The following ABI3BP variants were observed in gnomAD, a reference collection of about 807,000 sequenced individuals.
The protein encoded by ABI3BP is target of Nesh-SH3.
Under a neutral mutation model 268.6 loss-of-function variants are expected in ABI3BP, and 216 were observed. The observed-to-expected ratio is 0.80, with a 90% CI of 0.72 to 0.90. ABI3BP has a LOEUF of 0.90. ABI3BP is among the 40% of genes least tolerant of loss of function. The pLI is 0.00. For synonymous variants in ABI3BP, 730 were observed against 730.0 expected (o/e 1.00, Z 0.00); for missense variants, 2,090 against 2,182.4 (o/e 0.96, Z 0.84).
chr3:100,846,933 A>AC (rs1383842718), intron 19 of ABI3BP, among the ~76,000 whole-genome samples: 2 of 152,174 alleles, frequency 1.3e-5, no homozygotes, highest in Admixed American at 1.3e-4. Context: ...TCAACCCCTC[A>AC]CCTAGGTATT....
intron 48 of ABI3BP, among the ~76,000 whole-genome samples, chr3:100,810,705 C>T (rs2097843311): frequency 2.0e-5 from 3 of 152,092 alleles, no homozygotes; most frequent in Admixed American, 1.3e-4. Context: ...TAGAACTCTA[C>T]CTCCTCAACA....
intron 1 of ABI3BP, among the ~76,000 whole-genome samples, chr3:100,940,829 T>TATATATATATAGATAG (rs1244113888): frequency 9.7e-5 from 4 of 41,230 alleles, no homozygotes; most frequent in Non-Finnish European, 1.3e-4. Flanking sequence ...TATATATATA[T>TATATATATATAGATAG]ATGATATGAT....
At chr3:100,821,203 A>G (rs892018587) in intron 38 of ABI3BP, 90 bp from the exon 39 acceptor site, 2 of 1,073,922 alleles carry the variant, frequency 1.9e-6, no homozygotes, top group African/African-American at 3.2e-5. Context: ...TACTAGTATA[A>G]TACAGCTTAT....
At position 100,749,364 on chromosome 3, in the gene ABI3BP, G is replaced by C. The variant is rs927677086; in HGVS notation, c.*1131C>G. The C allele has an allele frequency of 3.5e-5, 9 of 260,326 alleles. No homozygotes were observed. In the South Asian group the frequency reaches 1.7e-3, roughly 50 times the overall value. 16.1% of individuals were successfully genotyped at this position (260,326 alleles called of 1,614,324 possible). ...AAAAAAACTACATCTCTTTATTGCAGAATTTATACTTGTTTGAAAAATACA... is the reference window on the plus strand; with the variant it reads ...AAAAAAACTACATCTCTTTATTGCACAATTTATACTTGTTTGAAAAATACA... On this transcript the variant is annotated 3_prime_UTR_variant, in exon 68 of 68. Transcript: ENST00000471714.
intron 34 of ABI3BP, 125 bp from the exon 35 acceptor site, chr3:100,825,969 T>C (rs2098375610): frequency 4.1e-6 from 3 of 727,202 alleles, no homozygotes; most frequent in Non-Finnish European, 7.1e-6. Flanking sequence ...GGGAAGGGCA[T>C]TAGGACTGAA....
chr3:100,931,630 T>C (rs2713746), intron 1 of ABI3BP, among the ~76,000 whole-genome samples: 150,754 of 152,148 alleles, frequency 0.99, 74,698 homozygotes, highest in East Asian at 1. Flanking sequence ...AAAAAACTAC[T>C]TAGGAATACA....
chr3:100,918,167 A>G (rs1425076723), intron 2 of ABI3BP, among the ~76,000 whole-genome samples: 1 of 152,214 alleles, frequency 6.6e-6, no homozygotes, highest in Non-Finnish European at 1.5e-5. Context: ...ACTAAGAATT[A>G]GATGACATTT....
chr3:100,903,647 G>A (rs1410796993), intron 2 of ABI3BP, among the ~76,000 whole-genome samples: 1 of 152,126 alleles, frequency 6.6e-6, no homozygotes, highest in Non-Finnish European at 1.5e-5. Flanking sequence ...TTTTCATTCT[G>A]GGTTCAAATG....
intron 57 of ABI3BP, among the ~76,000 whole-genome samples, chr3:100,784,542 G>A (rs970459520): frequency 6.6e-6 from 1 of 152,066 alleles, no homozygotes; most frequent in African/African-American, 2.4e-5. Context: ...CTACTTAGAG[G>A]AAAATAAGTC....
chr3:100,840,007 A>T (rs2098667248), intron 23 of ABI3BP, 65 bp downstream of exon 23: 11 of 1,370,872 alleles, frequency 8.0e-6, no homozygotes, highest in Non-Finnish European at 1.0e-5. Flanking sequence ...CAAGTAGCTG[A>T]TATCAAACCA....
At chr3:100,768,243 C>T (rs1017746290) in intron 62 of ABI3BP, among the ~76,000 whole-genome samples, 2 of 152,064 alleles carry the variant, frequency 1.3e-5, no homozygotes, top group Non-Finnish European at 2.9e-5. Context: ...CGCCCGCCAC[C>T]ACACCCGGCT....
At position 100,765,915 on chromosome 3, in the gene ABI3BP, G is replaced by A. The variant is rs755707453; in HGVS notation, c.4776C>T (p.Phe1592=). ...YEVISRENGS[F]SGKNKSIQMT... Reference sequence around the variant, plus strand: ...TTTGAATGGACTTGTTCTTCCCACTGAATGACCCATTTTCTCTGGATATAA... The same window carrying A: ...TTTGAATGGACTTGTTCTTCCCACTAAATGACCCATTTTCTCTGGATATAA... The change falls in exon 63 of 68, where the codon TTC becomes TTT. Residue 1592 remains phenylalanine (F), a synonymous_variant. Transcript: ENST00000471714. The A allele has an allele frequency of 1.2e-5, 19 of 1,612,608 alleles. No individual in the cohort carries two copies. The South Asian group carries it at 1.9e-4, about 16-fold the overall frequency.
intron 1 of ABI3BP, among the ~76,000 whole-genome samples, chr3:100,963,086 G>T (rs1652185589): frequency 6.6e-6 from 1 of 152,056 alleles, no homozygotes; most frequent in Admixed American, 6.6e-5. Flanking sequence ...CTTATTCTGG[G>T]TCAAGTACTG....
intron 51 of ABI3BP, among the ~76,000 whole-genome samples, chr3:100,799,119 T>G (rs1035218137): frequency 6.6e-6 from 1 of 152,124 alleles, no homozygotes; most frequent in African/African-American, 2.4e-5. Flanking sequence ...TCTAATATCT[T>G]TAAAAAAAAT....
At chr3:100,829,703 G>T (rs1263944587) in intron 32 of ABI3BP, 39 bp from the exon 33 acceptor site, 2 of 1,442,142 alleles carry the variant, frequency 1.4e-6, no homozygotes, top group African/African-American at 1.4e-5. Flanking sequence ...AGCGTGTTTG[G>T]TTCCGGAAGC....
At chr3:100,972,305 A>G (rs530155129) in intron 1 of ABI3BP, among the ~76,000 whole-genome samples, 18 of 152,174 alleles carry the variant, frequency 1.2e-4, no homozygotes, top group Non-Finnish European at 2.2e-4. Context: ...CAAATAAACT[A>G]GTGCTAGCAA....
intron 7 of ABI3BP, 136 bp downstream of exon 7, chr3:100,876,376 C>T (rs1403316651): frequency 5.2e-6 from 4 of 766,262 alleles, no homozygotes; most frequent in Non-Finnish European, 6.2e-6. Context: ...TTTACTAGAC[C>T]ATTATATTTT....
At position 100,796,496 on chromosome 3, in the gene ABI3BP, C is replaced by T. The variant is rs762189259; in HGVS notation, c.3758-28G>A. On this transcript the variant is annotated intron_variant, in intron 51 of 67. Transcript: ENST00000471714. ...GAAAGAAAAAGATTATAAAACACTG[C>T]ATACTCTAAATAACCCAACTGGAGT... 2.6e-6 allele frequency: 4 copies of T among 1,561,050 alleles called. No homozygotes were observed. The Admixed American group carries it at 7.2e-5, about 28-fold the overall frequency.
intron 4 of ABI3BP, 151 bp downstream of exon 4, chr3:100,898,611 C>T (rs1012433983): frequency 7.3e-6 from 6 of 817,936 alleles, no homozygotes; most frequent in Non-Finnish European, 1.1e-5. Context: ...GGTAGATAAC[C>T]TTCTCAAGGG....
Sources: allele counts gnomAD v4.1 joint callset (sites outside exome capture counted in the v4.1 genomes callset), GRCh38; gene constraint gnomAD v4.1.1; transcripts MANE v1.5; gene names NCBI Gene and HGNC (gene_info 2026-07-23, HGNC 2026-07-21).